SLC14A2: variants seen among roughly 807,000 people sequenced by gnomAD.
The protein encoded by SLC14A2 is urea transporter 2.
A neutral mutation model predicts 104.6 loss-of-function variants in SLC14A2; 91 were observed. That is an observed-to-expected ratio of 0.87 (90% CI 0.73 to 1.04). The LOEUF (loss-of-function observed/expected upper bound fraction) is 1.04, where lower values mean the gene tolerates loss of function less well. Ranked by LOEUF, SLC14A2 falls within the 50% of genes least tolerant of loss-of-function variation. SLC14A2 has a pLI of 0.00. For missense variants in SLC14A2, 1,189 were observed against 1,156.0 expected (o/e 1.03, Z -0.41); for synonymous variants, 476 against 466.4 (o/e 1.02, Z -0.27).
intron 2 of SLC14A2, among the ~76,000 whole-genome samples, chr18:45,587,618 G>A (rs1473872052): frequency 2.6e-5 from 4 of 152,102 alleles, no homozygotes; most frequent in African/African-American, 7.2e-5. Context: ...GGCACGAGTT[G>A]GCATCAAAAC....
chr18:45,669,484 G>A lies in SLC14A2; in HGVS notation c.2215G>A (p.Val739Ile), dbSNP rs777197816. 1.9e-6 allele frequency: 3 copies of A among 1,613,428 alleles called. No homozygotes were observed. The highest frequency in any genetic ancestry group is 2.7e-5 in the African/African-American group (2 of 74,930). The change falls in exon 16 of 20, where the codon GTC becomes ATC. Residue 739 changes from valine (V) to isoleucine (I), a missense_variant. Physicochemically the swap from Val to Ile is conservative, Grantham distance 29. Transcript: ENST00000255226. ...SAMPNITWSE[V>I]QVPLLLRAIP... ...CATGCCCAACATCACCTGGTCAGAG[G>A]TCCAAGTGCCCTTGGTACGTATCAT...
At chr18:45,240,905 G>C (rs1021025641) in intron 1 of SLC14A2, among the ~76,000 whole-genome samples, 3 of 152,084 alleles carry the variant, frequency 2.0e-5, no homozygotes, top group Non-Finnish European at 4.4e-5. Context: ...TGATTCGCCT[G>C]CCTCAGCCTC....
At chr18:45,378,250 T>C (rs1332666212) in intron 1 of SLC14A2, among the ~76,000 whole-genome samples, 1 of 152,188 alleles carries the variant, frequency 6.6e-6, no homozygotes, top group Non-Finnish European at 1.5e-5. Flanking sequence ...AAGAATTGAA[T>C]TGAGTTGAAT....
the SLC14A2 span, among the ~76,000 whole-genome samples, chr18:45,173,547 C>G: frequency 6.6e-6 from 1 of 151,556 alleles, no homozygotes; most frequent in Non-Finnish European, 1.5e-5. Context: ...GCAAAATAAC[C>G]CGAGAGAAGT....
chr18:45,544,338 C>T (rs936005351), intron 2 of SLC14A2, among the ~76,000 whole-genome samples: 2 of 152,126 alleles, frequency 1.3e-5, no homozygotes, highest in African/African-American at 4.8e-5. Context: ...CTCCTGTTTG[C>T]TTTGTCAATT....
intron 1 of SLC14A2, among the ~76,000 whole-genome samples, chr18:45,333,277 C>CA (rs377559839): frequency 3.2e-4 from 48 of 148,928 alleles, no homozygotes; most frequent in Non-Finnish European, 5.1e-4. Context: ...TAGATAGAGG[C>CA]AAAAAAAAAT....
At chr18:45,170,008 G>A in the SLC14A2 span, among the ~76,000 whole-genome samples, 4 of 152,164 alleles carry the variant, frequency 2.6e-5, no homozygotes, top group African/African-American at 4.8e-5. Context: ...AAGAGACAGA[G>A]AAAAAATTTC....
intron 10 of SLC14A2, among the ~76,000 whole-genome samples, chr18:45,655,611 G>A (rs550227346): frequency 2.7e-4 from 41 of 152,004 alleles, no homozygotes; most frequent in African/African-American, 9.9e-4. Flanking sequence ...TCTGCCATAG[G>A]TTGCCATAGC....
At chr18:45,237,788 G>A (rs1159823601) in intron 1 of SLC14A2, among the ~76,000 whole-genome samples, 1 of 152,206 alleles carries the variant, frequency 6.6e-6, no homozygotes, top group Non-Finnish European at 1.5e-5. Flanking sequence ...CTGACAGTAA[G>A]ACCAGGGGCA....
At chr18:45,626,812 A>ACCCCCCC in intron 3 of SLC14A2, 146 bp from the exon 4 acceptor site, 1 of 112,130 alleles carries the variant, frequency 8.9e-6, no homozygotes, top group East Asian at 1.7e-4. Context: ...CTCTACCCCC[A>ACCCCCCC]CCCCTCCACC....
chr18:45,245,299 G>A (rs866084481), intron 1 of SLC14A2, among the ~76,000 whole-genome samples: 1 of 152,192 alleles, frequency 6.6e-6, no homozygotes, highest in African/African-American at 2.4e-5. Context: ...TTTTAAGAAT[G>A]TAGCTGGAGA....
intron 1 of SLC14A2, among the ~76,000 whole-genome samples, chr18:45,469,766 G>A (rs533504992): frequency 3.6e-4 from 55 of 152,302 alleles, no homozygotes; most frequent in Non-Finnish European, 6.8e-4. Flanking sequence ...ATGGACCAAG[G>A]CAAAGGCAAG....
intron 2 of SLC14A2, among the ~76,000 whole-genome samples, chr18:45,518,405 ATTC>A (rs1156741096): frequency 8.5e-6 from 1 of 117,472 alleles, no homozygotes; most frequent in Non-Finnish European, 2.1e-5. Context: ...GTCTTCATTC[ATTC>A]ATTCATTCAT....
rs566092916 is a variant in SLC14A2 at position 45,258,970 on chromosome 18, G to A, written c.-125+45779G>A. Among the ~76,000 whole-genome samples, 70 of 152,298 alleles carry A rather than the reference G, an allele frequency of 4.6e-4. 1 individual carries two copies. The highest frequency in any genetic ancestry group is 1.6e-3 in the African/African-American group (68 of 41,564). On this transcript the variant is annotated intron_variant, in intron 1 of 20. Transcript: ENST00000586448. ...TCAGAGAAGTGCAGCGTCTCATCCA[G>A]GAACTACCATTCTCATTGGAGTGTG...
chr18:45,675,711 T>TATATATATA (rs1568006254), intron 18 of SLC14A2, among the ~76,000 whole-genome samples: 6 of 49,326 alleles, frequency 1.2e-4, no homozygotes, highest in African/African-American at 4.0e-4. Flanking sequence ...ATATATATAT[T>TATATATATA]TTTTTTTTTT....
At chr18:45,304,056 A>G (rs1352673537) in intron 1 of SLC14A2, among the ~76,000 whole-genome samples, 3 of 152,290 alleles carry the variant, frequency 2.0e-5, no homozygotes, top group South Asian at 2.1e-4. Context: ...TTATTTTTCT[A>G]CAAAAGAAGC....
At chr18:45,477,751 G>A (rs1047511609) in intron 1 of SLC14A2, among the ~76,000 whole-genome samples, 1 of 151,982 alleles carries the variant, frequency 6.6e-6, no homozygotes, top group African/African-American at 2.4e-5. Context: ...GCTCCACTGA[G>A]TCCAAACTTC....
In SLC14A2 at chr18:45,566,536, C is replaced by T. The variant is rs866468017; in HGVS notation, c.-34-58095C>T. On this transcript the variant is annotated intron_variant, in intron 2 of 20. Coordinates refer to the SLC14A2 transcript ENST00000586448. ...GCTCGCACACACACACACACACACA[C>T]ACACACACACAGTGTCCACATCACT... 5.4e-3 allele frequency among the ~76,000 whole-genome samples: 826 copies of T among 152,018 alleles called. 10 individuals carry two copies. Among genetic ancestry groups the T allele is most frequent in the African/African-American group, 0.016 (657 of 41,480 alleles).
intron 2 of SLC14A2, among the ~76,000 whole-genome samples, chr18:45,484,636 T>C (rs1425223926): frequency 6.6e-6 from 1 of 152,206 alleles, no homozygotes; most frequent in Non-Finnish European, 1.5e-5. Context: ...TTCAAGGTTG[T>C]TCTCCACTGG....
Sources: gnomAD v4.1 joint callset for allele counts (sites outside exome capture counted in the v4.1 genomes callset) on GRCh38, gnomAD v4.1.1 for gene constraint, MANE v1.5 for transcripts, NCBI Gene and HGNC (gene_info 2026-07-23, HGNC 2026-07-21) for gene names.